GRIK5: variants seen among roughly 807,000 people sequenced by gnomAD.
GRIK5 encodes the protein glutamate receptor ionotropic, kainate 5.
A neutral mutation model predicts 97.4 loss-of-function variants in GRIK5; 43 were observed. That is an observed-to-expected ratio of 0.44 (90% CI 0.35 to 0.57). The LOEUF is 0.57. Among genes scored for constraint, GRIK5 ranks in the 20% least tolerant of loss-of-function variants. The probability of loss-of-function intolerance (pLI) is 0.01; values close to 1 mark genes in which losing one functional copy is unlikely to be tolerated. For synonymous variants in GRIK5, 580 were observed against 583.5 expected (o/e 0.99, Z 0.09); for missense variants, 1,015 against 1,382.0 (o/e 0.73, Z 4.21).
chr19:42,048,404 G>A (rs932571486), intron 11 of GRIK5, among the ~76,000 whole-genome samples: 4 of 151,994 alleles, frequency 2.6e-5, no homozygotes, highest in African/African-American at 7.2e-5. Context: ...GGCAGATCAC[G>A]AGGTCAGGAG....
chr19:42,012,908 TA>T (rs770293536), intron 15 of GRIK5, among the ~76,000 whole-genome samples: 8 of 151,810 alleles, frequency 5.3e-5, no homozygotes, highest in Non-Finnish European at 8.8e-5. Context: ...ATGACTTATA[TA>T]AAATTCAAAT....
At chr19:42,020,502 C>T (rs2075683542) in intron 15 of GRIK5, among the ~76,000 whole-genome samples, 1 of 152,150 alleles carries the variant, frequency 6.6e-6, no homozygotes, top group African/African-American at 2.4e-5. Flanking sequence ...TGAATAGGAG[C>T]TGGGTAAAAT....
intron 1 of GRIK5, among the ~76,000 whole-genome samples, chr19:42,066,195 C>T (rs2076329559): frequency 1.3e-5 from 2 of 152,050 alleles, no homozygotes; most frequent in Non-Finnish European, 2.9e-5. Context: ...CACCCAGTCC[C>T]GCCCCTGTCT....
intron 5 of GRIK5, among the ~76,000 whole-genome samples, chr19:42,060,908 C>A (rs564082065): frequency 6.6e-6 from 1 of 152,144 alleles, no homozygotes; most frequent in Non-Finnish European, 1.5e-5. Context: ...TACTTCTAAC[C>A]ATGTAATGCA....
chr19:42,010,233 G>C (rs142319915), intron 15 of GRIK5, among the ~76,000 whole-genome samples: 1 of 152,184 alleles, frequency 6.6e-6, no homozygotes, highest in Non-Finnish European at 1.5e-5. Context: ...AGGAGAGAAA[G>C]GGATAACCAA....
At chr19:42,031,979 G>A (rs2146080409) in intron 12 of GRIK5, among the ~76,000 whole-genome samples, 1 of 152,304 alleles carries the variant, frequency 6.6e-6, no homozygotes, top group African/African-American at 2.4e-5. Context: ...AGGCATGGTG[G>A]TGCACACCTG....
intron 12 of GRIK5, among the ~76,000 whole-genome samples, chr19:42,027,898 T>C (rs1244810249): frequency 6.6e-6 from 1 of 152,162 alleles, no homozygotes; most frequent in Non-Finnish European, 1.5e-5. Flanking sequence ...GGTGTGAAAA[T>C]GGCTCACTGC....
rs1247222015 is a variant in GRIK5 at position 42,003,930 on chromosome 19, C to T, written c.2264-247G>A. Among the ~76,000 whole-genome samples the T allele has an allele frequency of 6.6e-6, 1 of 152,148 alleles. No homozygotes were observed. Among genetic ancestry groups the T allele is most frequent in the African/African-American group, 2.4e-5 (1 of 41,416 alleles). On this transcript the variant is annotated intron_variant, in intron 17 of 19. Coordinates refer to ENST00000593562, the MANE Select transcript of GRIK5 (RefSeq NM_002088.5). The surrounding 1 kb of genome is among the most constrained non-coding windows in gnomAD (Gnocchi z 4.2). The stretch of plus-strand genomic sequence containing the variant: ...ACTCTCCATGGCTTCCTGTTGCAAG[C>T]TCCTCCCCTCGGCCACTCTCAGACA...
intron 15 of GRIK5, among the ~76,000 whole-genome samples, chr19:42,008,550 C>A (rs891253702): frequency 6.6e-6 from 1 of 152,072 alleles, no homozygotes; most frequent in African/African-American, 2.4e-5. Flanking sequence ...TCGTTGGAAT[C>A]CAGGAGGTGG....
intron 17 of GRIK5, among the ~76,000 whole-genome samples, chr19:42,004,620 CTG>C (rs1339828401): frequency 1.3e-5 from 2 of 152,134 alleles, no homozygotes; most frequent in Non-Finnish European, 2.9e-5. Flanking sequence ...AGGGAGGAAA[CTG>C]AGATTTCTTC....
Position 42,062,389 on chromosome 19 carries a change from G to T in GRIK5, c.508+99C>A. 1 of 1,274,726 alleles carries T rather than the reference G, an allele frequency of 7.8e-7. No homozygotes were observed. The highest frequency in any genetic ancestry group is 1.1e-6 in the Non-Finnish European group (1 of 911,376). The allele number at this position is 1,274,726 out of a possible 1,614,324, so 79.0% of individuals were successfully genotyped here. Reference sequence around the variant, plus strand: ...GAGCCTGGTGCCTGGGTGCCCCAGGGTTCTAACTAGGGGGCAGTGAACCAC... The same window carrying T: ...GAGCCTGGTGCCTGGGTGCCCCAGGTTTCTAACTAGGGGGCAGTGAACCAC... On this transcript the variant is annotated intron_variant, in intron 5 of 19. Transcript: ENST00000593562. This position sits in a 1 kb window ranked among gnomAD's most constrained non-coding sequence, Gnocchi z 5.3.
At chr19:42,015,980 G>A (rs973510780) in intron 15 of GRIK5, among the ~76,000 whole-genome samples, 3 of 152,112 alleles carry the variant, frequency 2.0e-5, no homozygotes, top group African/African-American at 7.2e-5. Context: ...ATGGAGTGAG[G>A]GCTTGATAGA....
At position 42,003,900 on chromosome 19, in the gene GRIK5, T is replaced by G. The variant is rs1221652912; in HGVS notation, c.2264-217A>C. ...GTCAGAGGCCATACCTTTCCTGTGCTCAGGACTCTCCATGGCTTCCTGTTG... is the reference window on the plus strand; with the variant it reads ...GTCAGAGGCCATACCTTTCCTGTGCGCAGGACTCTCCATGGCTTCCTGTTG... On this transcript the variant is annotated intron_variant, in intron 17 of 19. Coordinates refer to ENST00000593562, the MANE Select transcript of GRIK5 (RefSeq NM_002088.5). This position sits in a 1 kb window ranked among gnomAD's most constrained non-coding sequence, Gnocchi z 4.2. The G allele has an allele frequency of 7.8e-6, 4 of 514,334 alleles. No homozygotes were observed. The highest frequency in any genetic ancestry group is 1.0e-5 in the Non-Finnish European group (3 of 296,838). 31.9% of individuals were successfully genotyped at this position (514,334 alleles called of 1,614,324 possible).
At position 42,068,619 on chromosome 19, in the gene GRIK5, AAG is replaced by A. The variant is rs577303763; in HGVS notation, c.-51+620_-51+621del. ...CAGGTGAGCGGAGGCACAGAATAGAAAGAGAAATGGAAAGAGACCTGCCGAGG... is the reference window on the plus strand; with the variant it reads ...CAGGTGAGCGGAGGCACAGAATAGAAAGAAATGGAAAGAGACCTGCCGAGG... On this transcript the variant is annotated intron_variant, in intron 1 of 19. Transcript: ENST00000593562. The A allele has an allele frequency of 5.9e-4, 249 of 424,644 alleles. 1 individual carries two copies. The highest frequency in any genetic ancestry group is 3.7e-3 in the Middle Eastern group (10 of 2,676). 26.3% of individuals were successfully genotyped at this position (424,644 alleles called of 1,614,324 possible). A position where few individuals can be genotyped will look rare whatever the true frequency, so the allele number is the denominator to read the frequency against.
chr19:42,005,549 T>C (rs555874172), intron 17 of GRIK5, among the ~76,000 whole-genome samples, 174 bp downstream of exon 17: 3 of 152,292 alleles, frequency 2.0e-5, no homozygotes, highest in African/African-American at 4.8e-5. Context: ...TTTTGCAGGT[T>C]GGGGGTACAG....
rs1231054229 is a variant in GRIK5 at position 42,006,897 on chromosome 19, C to G, written c.1872-87G>C. 2.2e-6 allele frequency: 2 copies of G among 901,476 alleles called. No individual in the cohort carries two copies. The highest frequency in any genetic ancestry group is 3.3e-5 in the African/African-American group (2 of 59,990). The allele number at this position is 901,476 out of a possible 1,614,324, so 55.8% of individuals were successfully genotyped here. A position where few individuals can be genotyped will look rare whatever the true frequency, so the allele number is the denominator to read the frequency against. On this transcript the variant is annotated intron_variant, in intron 15 of 19. Coordinates refer to ENST00000593562, the MANE Select transcript of GRIK5 (RefSeq NM_002088.5). The surrounding 1 kb of genome is among the most constrained non-coding windows in gnomAD (Gnocchi z 5.3). Reference sequence around the variant, plus strand: ...CATGCCCCCCATTGGTGGTGCCCCTCCCAAGTGACCCCAGCATCTGGAAGA... The same window carrying G: ...CATGCCCCCCATTGGTGGTGCCCCTGCCAAGTGACCCCAGCATCTGGAAGA...
Position 42,042,861 on chromosome 19 carries a change from G to T in GRIK5, c.1270-106C>A. On this transcript the variant is annotated intron_variant, in intron 11 of 19. Transcript: ENST00000593562. The surrounding 1 kb of genome is among the most constrained non-coding windows in gnomAD (Gnocchi z 6.9). ...GGTAGAGCAGGAATCTGCTTGCTGAGCACGGTTGATTTATTCATAGTACAC... is the reference window on the plus strand; with the variant it reads ...GGTAGAGCAGGAATCTGCTTGCTGATCACGGTTGATTTATTCATAGTACAC... 1 of 802,588 alleles carries T rather than the reference G, an allele frequency of 1.2e-6. No individual in the cohort carries two copies. Among genetic ancestry groups the T allele is most frequent in the Non-Finnish European group, 2.0e-6 (1 of 498,786 alleles). 49.7% of individuals were successfully genotyped at this position (802,588 alleles called of 1,614,324 possible). A position where few individuals can be genotyped will look rare whatever the true frequency, so the allele number is the denominator to read the frequency against.
Position 42,013,897 on chromosome 19 carries a change from C to T in GRIK5, c.1872-7087G>A, listed in dbSNP as rs565818701. ...AAAAAAATTTAGCCGGGTGTGGCGT[C>T]GCACACCTGTGATCCCAGATACACA... is the stretch of plus-strand genomic sequence containing the variant. On this transcript the variant is annotated intron_variant, in intron 15 of 19. Coordinates refer to ENST00000593562, the MANE Select transcript of GRIK5 (RefSeq NM_002088.5). Among the ~76,000 whole-genome samples the T allele has an allele frequency of 1.3e-3, 196 of 151,232 alleles. 1 individual carries two copies. The highest frequency in any genetic ancestry group is 4.5e-3 in the African/African-American group (185 of 41,148).
chr19:42,048,042 A>G (rs2076065645), intron 11 of GRIK5, among the ~76,000 whole-genome samples: 1 of 152,046 alleles, frequency 6.6e-6, no homozygotes, highest in Non-Finnish European at 1.5e-5. Flanking sequence ...ATAAAAATCA[A>G]TTTCAGGAGG....
Sources: gnomAD v4.1 joint callset for allele counts (sites outside exome capture counted in the v4.1 genomes callset) on GRCh38, gnomAD v4.1.1 for gene constraint, Gnocchi (gnomAD v3.1) non-coding constraint, MANE v1.5 for transcripts, NCBI Gene and HGNC (gene_info 2026-07-23, HGNC 2026-07-21) for gene names.